RIPOR3: variants seen among roughly 807,000 people sequenced by gnomAD.
The protein encoded by RIPOR3 is family with sequence similarity 65 member C.
RIPOR3 carries 95 observed loss-of-function variants against 114.3 expected under a neutral mutation model. That is an observed-to-expected ratio of 0.83 (90% CI 0.70 to 0.99). The LOEUF is 0.99. RIPOR3 is among the 50% of genes least tolerant of loss of function. The probability of loss-of-function intolerance (pLI) is 0.00; values close to 1 mark genes in which losing one functional copy is unlikely to be tolerated. For synonymous variants in RIPOR3, 575 were observed against 543.8 expected (o/e 1.06, Z -0.80); for missense variants, 1,252 against 1,266.9 (o/e 0.99, Z 0.18).
At chr20:50,674,170 C>T (rs148826336) in intron 1 of RIPOR3, among the ~76,000 whole-genome samples, 1,777 of 152,222 alleles carry the variant, frequency 0.012, 11 homozygotes, top group Non-Finnish European at 0.019. Context: ...ATGTCTGATG[C>T]CTGGGATTCC....
chr20:50,655,993 G>C (rs2085797021), intron 1 of RIPOR3, among the ~76,000 whole-genome samples: 1 of 151,744 alleles, frequency 6.6e-6, no homozygotes, highest in South Asian at 2.1e-4. Context: ...CTGCAGAATT[G>C]TTTCCTTTTT....
At chr20:50,618,393 T>C (rs2084264371) in intron 3 of RIPOR3, among the ~76,000 whole-genome samples, 2 of 149,756 alleles carry the variant, frequency 1.3e-5, no homozygotes, top group South Asian at 4.4e-4. Flanking sequence ...GGGCCCCCTG[T>C]CATCTGGTCC....
chr20:50,682,239 C>T (rs570463602), intron 1 of RIPOR3, among the ~76,000 whole-genome samples: 3 of 152,298 alleles, frequency 2.0e-5, no homozygotes, highest in African/African-American at 7.2e-5. Context: ...GAATAGTACA[C>T]AGCAGAGAAA....
chr20:50,660,622 T>C (rs2123453950), intron 1 of RIPOR3, among the ~76,000 whole-genome samples: 1 of 152,152 alleles, frequency 6.6e-6, no homozygotes, highest in East Asian at 1.9e-4. Context: ...GGAGATCAAA[T>C]TGCAACATGA....
intron 1 of RIPOR3, among the ~76,000 whole-genome samples, chr20:50,644,521 A>G (rs1477455334): frequency 1.3e-5 from 2 of 151,646 alleles, no homozygotes; most frequent in Non-Finnish European, 2.9e-5. Flanking sequence ...ATCTGGCCCT[A>G]TCACCAGGCT....
intron 1 of RIPOR3, among the ~76,000 whole-genome samples, chr20:50,678,842 G>T (rs2086760499): frequency 1.3e-5 from 2 of 151,860 alleles, no homozygotes; most frequent in Admixed American, 1.3e-4. Context: ...TGTTTAAAAT[G>T]CCTGTAATCC....
At chr20:50,663,473 T>C (rs1010352187) in intron 1 of RIPOR3, among the ~76,000 whole-genome samples, 1 of 152,188 alleles carries the variant, frequency 6.6e-6, no homozygotes, top group Non-Finnish European at 1.5e-5. Context: ...TCATAGGGAA[T>C]AACTCTACCT....
intron 14 of RIPOR3, chr20:50,597,064 CGAGT>C (rs536974262): frequency 6.5e-6 from 1 of 153,130 alleles, no homozygotes; most frequent in South Asian, 2.0e-4. Flanking sequence ...CTCCCGGGTC[CGAGT>C]GATTCTCCTG....
intron 17 of RIPOR3, 88 bp downstream of exon 17, chr20:50,594,465 A>G: frequency 6.8e-7 from 1 of 1,473,510 alleles, no homozygotes; most frequent in Non-Finnish European, 9.3e-7. Flanking sequence ...CAGGGCTGAA[A>G]TGAGGCCAGC....
intron 6 of RIPOR3, 131 bp from the exon 7 acceptor site, chr20:50,609,853 G>C: frequency 9.6e-7 from 1 of 1,038,238 alleles, no homozygotes; most frequent in East Asian, 3.1e-5. Flanking sequence ...CATGGTGACA[G>C]TCACTACCTG....
At chr20:50,657,333 C>T (rs2123437439) in intron 1 of RIPOR3, among the ~76,000 whole-genome samples, 1 of 152,340 alleles carries the variant, frequency 6.6e-6, no homozygotes, top group East Asian at 1.9e-4. Context: ...TCGAGACCAG[C>T]CTGGCCAACA....
chr20:50,689,465 C>T (rs1003489899), intron 1 of RIPOR3, among the ~76,000 whole-genome samples: 4 of 152,276 alleles, frequency 2.6e-5, no homozygotes, highest in African/African-American at 2.4e-5. Context: ...CGTGAGCCAC[C>T]GCGCCCAGCC....
chr20:50,652,452 G>A (rs1048982875), intron 1 of RIPOR3, among the ~76,000 whole-genome samples: 7 of 151,940 alleles, frequency 4.6e-5, no homozygotes, highest in African/African-American at 9.7e-5. Flanking sequence ...TTAGCCAGGC[G>A]TGGTGGCGGG....
intron 20 of RIPOR3, among the ~76,000 whole-genome samples, chr20:50,588,769 GAAAA>G (rs1218262439): frequency 1.9e-3 from 252 of 133,156 alleles, no homozygotes; most frequent in African/African-American, 6.3e-3. Flanking sequence ...AAAAAAAAAA[GAAAA>G]AAAACACCAC....
intron 1 of RIPOR3, among the ~76,000 whole-genome samples, chr20:50,673,392 C>G (rs541613499): frequency 1.3e-5 from 2 of 152,224 alleles, no homozygotes; most frequent in Non-Finnish European, 2.9e-5. Context: ...CTCTCTGCCA[C>G]GTGGCCGGTT....
At position 50,609,481 on chromosome 20, in the gene RIPOR3, C is replaced by A. The variant is rs2083865932; in HGVS notation, c.576+92G>T. The A allele has an allele frequency of 6.2e-6, 9 of 1,459,000 alleles. No homozygotes were observed. The East Asian group carries it at 2.3e-4, about 37-fold the overall frequency. 90.4% of individuals were successfully genotyped at this position (1,459,000 alleles called of 1,614,324 possible). Reference sequence around the variant, plus strand: ...GCCTCCTTGGGGCCCAGAACACCTCCTCCAGCCCCCACTGGCCCAGCTCTC... The same window carrying A: ...GCCTCCTTGGGGCCCAGAACACCTCATCCAGCCCCCACTGGCCCAGCTCTC... On this transcript the variant is annotated intron_variant, in intron 7 of 21. Transcript: ENST00000327979.
At chr20:50,682,479 C>T (rs370085203) in intron 1 of RIPOR3, among the ~76,000 whole-genome samples, 1 of 151,766 alleles carries the variant, frequency 6.6e-6, no homozygotes, top group Admixed American at 6.6e-5. Context: ...TGGTGGTGCA[C>T]GCCTGTAGTC....
chr20:50,653,646 A>G (rs1199927307), intron 1 of RIPOR3, among the ~76,000 whole-genome samples: 1 of 150,878 alleles, frequency 6.6e-6, no homozygotes, highest in East Asian at 2.0e-4. Context: ...GCTAGAGTGC[A>G]GTGGTGCCAT....
At position 50,610,900 on chromosome 20, in the gene RIPOR3, G is replaced by T; in HGVS notation, c.379C>A (p.Arg127Ser). 1 of 1,614,170 alleles carries T rather than the reference G, an allele frequency of 6.2e-7. No individual in the cohort carries two copies. The highest frequency in any genetic ancestry group is 1.6e-4 in the Middle Eastern group (1 of 6,062). The change falls in exon 6 of 22, where the codon CGC (arginine) becomes AGC (serine). Residue 127 changes from arginine (R) to serine (S), a missense_variant. Transcript: ENST00000327979. ...TTCCGAATGTGCCTTTCCACACAGC[G>T]CGTTTGCTTCTCCCGGAAAAAGGGA... ...AFYYDLDKQT[R>S]CVERHIRKME...
Sources: gnomAD v4.1 joint callset for allele counts (sites outside exome capture counted in the v4.1 genomes callset) on GRCh38, gnomAD v4.1.1 for gene constraint, MANE v1.5 for transcripts, NCBI Gene and HGNC (gene_info 2026-07-23, HGNC 2026-07-21) for gene names.